WDR7: variants seen among roughly 807,000 people sequenced by gnomAD.
WDR7 encodes the protein WD repeat domain 7.
WDR7 carries 46 observed loss-of-function variants against 169.4 expected under a neutral mutation model. The ratio of observed to expected loss-of-function variants is 0.27; its 90% CI spans 0.21 to 0.35. The LOEUF (loss-of-function observed/expected upper bound fraction) is 0.35, where lower values mean the gene tolerates loss of function less well. WDR7 is among the 10% of genes least tolerant of loss of function. The pLI, the probability that WDR7 is intolerant of heterozygous loss-of-function variation, is 1.00. For missense variants in WDR7, 1,534 were observed against 1,859.3 expected (o/e 0.83, Z 3.22); for synonymous variants, 612 against 666.8 (o/e 0.92, Z 1.27).
At chr18:56,844,162 A>ATT (rs79337426) in intron 20 of WDR7, among the ~76,000 whole-genome samples, 4 of 145,350 alleles carry the variant, frequency 2.8e-5, no homozygotes, top group Non-Finnish European at 6.1e-5. Flanking sequence ...CACTCAATCT[A>ATT]TTTTTTTTTT....
intron 21 of WDR7, among the ~76,000 whole-genome samples, chr18:56,887,667 A>ATT (rs879564223): frequency 6.8e-6 from 1 of 146,710 alleles, no homozygotes; most frequent in African/African-American, 2.5e-5. Flanking sequence ...CCATTAACCT[A>ATT]TTTTTTTTTT....
chr18:56,992,701 T>A (rs1034062425), intron 26 of WDR7, among the ~76,000 whole-genome samples: 1 of 152,216 alleles, frequency 6.6e-6, no homozygotes, highest in Non-Finnish European at 1.5e-5. Context: ...AATGAAGGTA[T>A]GATGAACCAG....
At chr18:56,841,275 C>G (rs2045482060) in intron 20 of WDR7, among the ~76,000 whole-genome samples, 1 of 151,232 alleles carries the variant, frequency 6.6e-6, no homozygotes, top group South Asian at 2.1e-4. Flanking sequence ...GGCGCGGTGG[C>G]CCACACCTGT....
At chr18:56,677,475 A>T (rs995992927) in intron 2 of WDR7, among the ~76,000 whole-genome samples, 2 of 152,030 alleles carry the variant, frequency 1.3e-5, no homozygotes, top group African/African-American at 2.4e-5. Flanking sequence ...TCAGCCTCCC[A>T]AGTAGCTGGG....
intron 20 of WDR7, among the ~76,000 whole-genome samples, chr18:56,826,197 A>G (rs1470439426): frequency 1.3e-5 from 2 of 152,226 alleles, no homozygotes; most frequent in Non-Finnish European, 2.9e-5. Flanking sequence ...GTGGCACACT[A>G]TTATATATCT....
intron 20 of WDR7, among the ~76,000 whole-genome samples, chr18:56,844,908 A>G (rs553947809): frequency 6.6e-6 from 1 of 152,336 alleles, no homozygotes; most frequent in African/African-American, 2.4e-5. Flanking sequence ...GACCACATTC[A>G]TATAATTATT....
chr18:56,764,881 C>G (rs1237629966), intron 16 of WDR7, among the ~76,000 whole-genome samples: 1 of 152,052 alleles, frequency 6.6e-6, no homozygotes, highest in Admixed American at 6.5e-5. Flanking sequence ...TTTATTCCTT[C>G]TTGCATTTCT....
chr18:56,831,577 G>T lies in WDR7; in HGVS notation c.3304+15433G>T, dbSNP rs113911506. ...CAAATAGGAACAGCTCCCATCTGCA[G>T]CTCCCAGCGAGACCAACCCAGAAGG... is the stretch of plus-strand genomic sequence containing the variant. On this transcript the variant is annotated intron_variant, in intron 20 of 27. Coordinates refer to ENST00000254442, the MANE Select transcript of WDR7 (RefSeq NM_015285.3). Among the ~76,000 whole-genome samples the T allele has an allele frequency of 2.3e-3, 356 of 152,260 alleles. 3 individuals are homozygous for T. Among genetic ancestry groups the T allele is most frequent in the African/African-American group, 8.3e-3 (345 of 41,534 alleles).
Position 56,695,022 on chromosome 18 carries a change from T to C in WDR7, c.1181T>C (p.Ile394Thr), listed in dbSNP as rs1358365958. The change falls in exon 11 of 28, where the codon ATA becomes ACA. Residue 394 changes from isoleucine (I) to threonine (T), a missense_variant. Transcript: ENST00000254442. Reference sequence around the variant, plus strand: ...CTGAATCCTTGTCCTGCTGGAATTATAGATCAGCTGAGTGTGATTCCCAAT... The same window carrying C: ...CTGAATCCTTGTCCTGCTGGAATTACAGATCAGCTGAGTGTGATTCCCAAT... ...DKLNPCPAGI[I>T]DQLSVIPNSN... 7 of 1,614,108 alleles carry C rather than the reference T, an allele frequency of 4.3e-6. No individual in the cohort carries two copies. Among genetic ancestry groups the C allele is most frequent in the African/African-American group, 1.3e-5 (1 of 74,952 alleles).
intron 12 of WDR7, among the ~76,000 whole-genome samples, chr18:56,696,879 G>C (rs1211470912): frequency 6.6e-6 from 1 of 152,198 alleles, no homozygotes; most frequent in Non-Finnish European, 1.5e-5. Context: ...CTTATCGATA[G>C]AGTTCACTTA....
intron 12 of WDR7, among the ~76,000 whole-genome samples, chr18:56,700,570 T>C (rs1255069409): frequency 0.076 from 244 of 3,224 alleles, no homozygotes; most frequent in Admixed American, 0.24. Flanking sequence ...TGTTTCTTTT[T>C]TTTTTTTTTT....
intron 20 of WDR7, among the ~76,000 whole-genome samples, chr18:56,823,384 C>A (rs1049423393): frequency 2.6e-5 from 4 of 152,198 alleles, no homozygotes; most frequent in Admixed American, 2.6e-4. Flanking sequence ...TCGAGACCAC[C>A]CTGGTCAACA....
At chr18:56,990,116 G>T (rs1250343761) in intron 26 of WDR7, among the ~76,000 whole-genome samples, 1 of 152,174 alleles carries the variant, frequency 6.6e-6, no homozygotes, top group Admixed American at 6.5e-5. Flanking sequence ...AAAATTGCTG[G>T]TATATAAAAG....
At position 57,027,335 on chromosome 18, in the gene WDR7, C is replaced by T. The variant is rs1312695525; in HGVS notation, c.*128C>T. The T allele has an allele frequency of 8.4e-6, 10 of 1,197,090 alleles. No individual in the cohort carries two copies. Among genetic ancestry groups the T allele is most frequent in the African/African-American group, 3.0e-5 (2 of 65,726 alleles). The allele number at this position is 1,197,090 out of a possible 1,614,324, so 74.2% of individuals were successfully genotyped here. The stretch of plus-strand genomic sequence containing the variant: ...CCCCAGTGCCATCCAGTGGCACGGC[C>T]GGGTCTTGTCACTTGTGCATGCTTC... On this transcript the variant is annotated 3_prime_UTR_variant, in exon 28 of 28. Coordinates refer to ENST00000254442, the MANE Select transcript of WDR7 (RefSeq NM_015285.3).
intron 25 of WDR7, among the ~76,000 whole-genome samples, chr18:56,946,983 T>C (rs534285419): frequency 6.6e-6 from 1 of 152,328 alleles, no homozygotes; most frequent in South Asian, 2.1e-4. Context: ...TCCTAATAAT[T>C]CACATTTCAC....
chr18:56,764,974 T>C (rs2044038616), intron 16 of WDR7, among the ~76,000 whole-genome samples: 1 of 152,164 alleles, frequency 6.6e-6, no homozygotes, highest in African/African-American at 2.4e-5. Flanking sequence ...CTTGATTATT[T>C]GACCCTCGTC....
At chr18:56,884,072 T>C (rs192120194) in intron 21 of WDR7, among the ~76,000 whole-genome samples, 25 of 152,308 alleles carry the variant, frequency 1.6e-4, no homozygotes, top group Middle Eastern at 6.8e-3. Context: ...ACTCTTAGTT[T>C]TTTAAGGAAT....
chr18:56,860,498 A>G (rs533475439), intron 20 of WDR7, among the ~76,000 whole-genome samples: 1 of 152,318 alleles, frequency 6.6e-6, no homozygotes, highest in Non-Finnish European at 1.5e-5. Flanking sequence ...TAATAAAAAA[A>G]TCAATATACA....
chr18:57,012,884 G>T (rs1039024644), intron 26 of WDR7, among the ~76,000 whole-genome samples: 2 of 152,156 alleles, frequency 1.3e-5, no homozygotes, highest in Non-Finnish European at 2.9e-5. Context: ...ATGAGGTGGG[G>T]AATAACATAG....
Sources: allele counts gnomAD v4.1 joint callset (sites outside exome capture counted in the v4.1 genomes callset), GRCh38; gene constraint gnomAD v4.1.1; transcripts MANE v1.5; gene names NCBI Gene and HGNC (gene_info 2026-07-23, HGNC 2026-07-21).